The following STRA6 variants were observed in gnomAD, a reference collection of about 807,000 sequenced individuals.
STRA6 encodes the protein receptor for retinol uptake STRA6.
STRA6 carries 48 observed loss-of-function variants against 83.6 expected under a neutral mutation model. That is an observed-to-expected ratio of 0.57 (90% CI 0.46 to 0.73). STRA6 has a LOEUF of 0.73. Among genes scored for constraint, STRA6 ranks in the 30% least tolerant of loss-of-function variants. The pLI is 0.00. For synonymous variants in STRA6, 353 were observed against 362.3 expected, an observed-to-expected ratio of 0.97 and a Z score of 0.29; for missense variants, 760 against 838.8, an observed-to-expected ratio of 0.91 and a Z score of 1.16.
At chr15:74,202,351 A>T (rs1314543200) in intron 1 of STRA6, 69 bp from the exon 2 acceptor site, 2 of 1,562,852 alleles carry the variant, frequency 1.3e-6, no homozygotes, top group East Asian at 4.6e-5. Flanking sequence ...GAGAAAAAAA[A>T]AGAAAGAAAG....
At position 74,180,860 on chromosome 15, in the gene STRA6, G is replaced by T; in HGVS notation, c.1762C>A (p.Leu588Ile). ...GGTAGGAGGCTCTGCGCTTGCAGGA[G>T]CAGGGAGCAGAAGGCTGTCATGGCT... is the stretch of plus-strand genomic sequence containing the variant. ...HPAMTAFCSL[L>I]LQAQSLLPRT... The change falls in exon 18 of 19, where the codon CTC (leucine) becomes ATC (isoleucine). Residue 588 changes from leucine to isoleucine, a missense_variant. Coordinates refer to ENST00000395105, the MANE Select transcript of STRA6 (RefSeq NM_022369.4). 6.2e-7 allele frequency: 1 copy of T among 1,614,130 alleles called. No homozygotes were observed. The highest frequency in any genetic ancestry group is 8.5e-7 in the Non-Finnish European group (1 of 1,179,998).
At chr15:74,186,775 G>GA (rs1025136044) in intron 12 of STRA6, among the ~76,000 whole-genome samples, 98 of 149,740 alleles carry the variant, frequency 6.5e-4, no homozygotes, top group African/African-American at 2.0e-3. Context: ...CATCTCAAAA[G>GA]AAAAAAAAAA....
At chr15:74,186,301 G>A (rs2073242599) in intron 12 of STRA6, among the ~76,000 whole-genome samples, 1 of 152,220 alleles carries the variant, frequency 6.6e-6, no homozygotes, top group East Asian at 1.9e-4. Flanking sequence ...TTTATTGGGT[G>A]CCTACTACAG....
At chr15:74,210,521 TG>T (rs1250294513), upstream of STRA6, among the ~76,000 whole-genome samples, 2 of 152,256 alleles carry the variant, frequency 1.3e-5, no homozygotes, top group Non-Finnish European at 2.9e-5. Context: ...AAAGTGAATC[TG>T]GCAGACACAC....
At chr15:74,208,684 T>C (rs912233725) in intron 1 of STRA6, 6 of 985,250 alleles carry the variant, frequency 6.1e-6, no homozygotes, top group Admixed American at 6.1e-5. Flanking sequence ...TCTGCTCACT[T>C]CCTGCCCCTA....
intron 18 of STRA6, 138 bp from the exon 19 acceptor site, chr15:74,180,381 C>T: frequency 9.4e-6 from 10 of 1,064,332 alleles, no homozygotes; most frequent in Non-Finnish European, 1.4e-5. Flanking sequence ...GCAGGCAGCA[C>T]ATGGAAGTGG....
intron 16 of STRA6, 78 bp from the exon 17 acceptor site, chr15:74,181,536 C>G: frequency 6.4e-7 from 1 of 1,562,078 alleles, no homozygotes; most frequent in Non-Finnish European, 8.7e-7. Context: ...CCTGGATGCC[C>G]AGAACTGCTG....
upstream of STRA6, among the ~76,000 whole-genome samples, chr15:74,207,352 A>C (rs1300655077): frequency 2.0e-5 from 3 of 152,148 alleles, no homozygotes; most frequent in East Asian, 5.8e-4. Context: ...CAGTAATGCC[A>C]TAAGAAGCCC....
upstream of STRA6, chr15:74,207,763 C>G: frequency 6.5e-7 from 1 of 1,535,720 alleles, no homozygotes; most frequent in East Asian, 2.4e-5. Flanking sequence ...CATGCGGGCC[C>G]GTGAGCTTGG....
intron 7 of STRA6, chr15:74,194,324 A>G: frequency 8.7e-7 from 1 of 1,146,226 alleles, no homozygotes; most frequent in South Asian, 2.1e-5. Flanking sequence ...AGGAAAGTCT[A>G]TGCCCTACTC....
chr15:74,198,281 C>A (rs1266975946), intron 2 of STRA6, among the ~76,000 whole-genome samples: 1 of 150,968 alleles, frequency 6.6e-6, no homozygotes, highest in Non-Finnish European at 1.5e-5. Flanking sequence ...ATTTTTTTTT[C>A]TGTATTTTTA....
intron 4 of STRA6, among the ~76,000 whole-genome samples, chr15:74,196,537 G>A (rs1339343086): frequency 6.6e-6 from 1 of 152,230 alleles, no homozygotes; most frequent in East Asian, 1.9e-4. Context: ...CCGGGGCAGA[G>A]GGCAGACAGC....
At chr15:74,184,297 A>G (rs140940018) in intron 13 of STRA6, among the ~76,000 whole-genome samples, 1 of 152,356 alleles carries the variant, frequency 6.6e-6, no homozygotes, top group Non-Finnish European at 1.5e-5. Flanking sequence ...CAACAGGTAA[A>G]GAGGCAAGGC....
At chr15:74,209,706 A>G, upstream of STRA6, 1 of 472,130 alleles carries the variant, frequency 2.1e-6, no homozygotes. Flanking sequence ...ACCTGAGCAC[A>G]GGCTCTCCCT....
intron 2 of STRA6, among the ~76,000 whole-genome samples, chr15:74,199,882 G>T (rs1201771663): frequency 2.0e-5 from 3 of 152,228 alleles, no homozygotes; most frequent in Non-Finnish European, 4.4e-5. Context: ...AGAGGAGGGA[G>T]AACTTTGGGC....
At chr15:74,205,686 C>G (rs1272927773), upstream of STRA6, among the ~76,000 whole-genome samples, 1 of 152,180 alleles carries the variant, frequency 6.6e-6, no homozygotes, top group Non-Finnish European at 1.5e-5. Context: ...TCCATCTGCC[C>G]AGGGGCTGCA....
chr15:74,180,208 T>C lies in STRA6; in HGVS notation c.1876A>G (p.Lys626Glu), dbSNP rs1329819706. ...CGGCTGGCCCCGGGCCTAGCTCCCTTGGCCATGGAGTCCTTTGTCTGTAGC... is the reference window on the plus strand; with the variant it reads ...CGGCTGGCCCCGGGCCTAGCTCCCTCGGCCATGGAGTCCTTTGTCTGTAGC... ...QLLQTKDSMA[K>E]GARPGASRGR... Residue 626 changes from lysine (K) to glutamate (E), a missense_variant, in exon 19 of 19, where the codon AAG becomes GAG. Transcript: ENST00000395105. The C allele has an allele frequency of 1.2e-6, 2 of 1,613,996 alleles. No individual in the cohort carries two copies. Among genetic ancestry groups the C allele is most frequent in the South Asian group, 1.1e-5 (1 of 91,086 alleles).
At position 74,188,933 on chromosome 15, in the gene STRA6, T is replaced by A. The variant is rs368548943; in HGVS notation, c.1090+182A>T. 4.5e-4 allele frequency among the ~76,000 whole-genome samples: 68 copies of A among 152,266 alleles called. No homozygotes were observed. The highest frequency in any genetic ancestry group is 3.4e-3 in the Middle Eastern group (1 of 294). On this transcript the variant is annotated intron_variant, in intron 12 of 18. Coordinates refer to ENST00000395105, the MANE Select transcript of STRA6 (RefSeq NM_022369.4). This position sits in a 1 kb window ranked among gnomAD's most constrained non-coding sequence, Gnocchi z 4.5. ...TGCTGAGATGTCCCTTCAGGTTTCA[T>A]GGAAGCTCAGAACTGGAAGCGCCAA...
intron 4 of STRA6, 146 bp from the exon 5 acceptor site, chr15:74,196,293 A>G: frequency 7.7e-7 from 1 of 1,301,868 alleles, no homozygotes; most frequent in Non-Finnish European, 1.1e-6. Context: ...CATTCATTCC[A>G]TAGATATTTG....
Sources: gnomAD v4.1 joint callset for allele counts (sites outside exome capture counted in the v4.1 genomes callset) on GRCh38, gnomAD v4.1.1 for gene constraint, Gnocchi (gnomAD v3.1) non-coding constraint, MANE v1.5 for transcripts, NCBI Gene and HGNC (gene_info 2026-07-23, HGNC 2026-07-21) for gene names.